Variants in CSNK2A2IP observed in about 807,000 individuals in gnomAD.
CSNK2A2IP encodes casein kinase 2 subunit alpha' interacting protein, also known as casein kinase II subunit alpha'-interacting protein.
At chr3:88,442,636 A>G in the CSNK2A2IP span, among the ~76,000 whole-genome samples, 1 of 152,118 alleles carries the variant, frequency 6.6e-6, no homozygotes, top group East Asian at 1.9e-4. Flanking sequence ...TGAGACACAT[A>G]CTATTGTTGT....
chr3:88,392,467 CA>C, the CSNK2A2IP span, among the ~76,000 whole-genome samples: 1 of 151,936 alleles, frequency 6.6e-6, no homozygotes, highest in Non-Finnish European at 1.5e-5. Context: ...AAAGAAAGAA[CA>C]AGCAAAGAAA....
At chr3:88,411,203 A>T in the CSNK2A2IP span, among the ~76,000 whole-genome samples, 1 of 151,980 alleles carries the variant, frequency 6.6e-6, no homozygotes, top group Admixed American at 6.6e-5. Context: ...TTTTCAAGGT[A>T]TAGTTGTTTG....
the CSNK2A2IP span, among the ~76,000 whole-genome samples, chr3:88,416,341 G>C: frequency 6.6e-6 from 1 of 150,588 alleles, no homozygotes; most frequent in Non-Finnish European, 1.5e-5. Flanking sequence ...TAGAAATCAA[G>C]GGGATTCACA....
At chr3:88,380,593 A>G in the CSNK2A2IP span, among the ~76,000 whole-genome samples, 2 of 152,152 alleles carry the variant, frequency 1.3e-5, no homozygotes, top group Admixed American at 1.3e-4. Context: ...TGTTATAGAA[A>G]AAACAGCTAT....
chr3:88,459,434 A>T, the CSNK2A2IP span, among the ~76,000 whole-genome samples: 1 of 152,048 alleles, frequency 6.6e-6, no homozygotes, highest in East Asian at 1.9e-4. Flanking sequence ...TATATTATTG[A>T]TTCTATTAAG....
chr3:88,367,858 G>A, the CSNK2A2IP span, among the ~76,000 whole-genome samples: 1 of 152,092 alleles, frequency 6.6e-6, no homozygotes, highest in Non-Finnish European at 1.5e-5. Context: ...AATCTTTTGA[G>A]TAATGGTTAA....
At chr3:88,381,465 A>G in the CSNK2A2IP span, among the ~76,000 whole-genome samples, 2 of 152,172 alleles carry the variant, frequency 1.3e-5, no homozygotes, top group Admixed American at 1.3e-4. Flanking sequence ...ATAAGGTACT[A>G]ACTATTACTG....
At chr3:88,366,127 C>A in the CSNK2A2IP span, among the ~76,000 whole-genome samples, 10 of 152,050 alleles carry the variant, frequency 6.6e-5, no homozygotes, top group African/African-American at 2.2e-4. Flanking sequence ...TGTGGTTTTC[C>A]TGCTCTGTAG....
the CSNK2A2IP span, among the ~76,000 whole-genome samples, chr3:88,441,279 A>G: frequency 1.3e-5 from 2 of 152,174 alleles, no homozygotes; most frequent in Non-Finnish European, 2.9e-5. Context: ...CTGGAAGACA[A>G]GTGTGTCTGA....
the CSNK2A2IP span, among the ~76,000 whole-genome samples, chr3:88,352,024 G>C: frequency 6.6e-6 from 1 of 152,024 alleles, no homozygotes; most frequent in African/African-American, 2.4e-5. Flanking sequence ...GCTTTTAAAG[G>C]AATCTTGTTT....
the CSNK2A2IP span, among the ~76,000 whole-genome samples, chr3:88,411,430 C>T: frequency 6.6e-6 from 1 of 151,626 alleles, no homozygotes; most frequent in African/African-American, 2.4e-5. Flanking sequence ...ACTGACCTGT[C>T]TCTGCCTCAT....
the CSNK2A2IP span, among the ~76,000 whole-genome samples, chr3:88,371,896 T>A: frequency 6.6e-6 from 1 of 151,668 alleles, no homozygotes; most frequent in African/African-American, 2.4e-5. Context: ...GGCATTAGAA[T>A]GACATATTCA....
the CSNK2A2IP span, among the ~76,000 whole-genome samples, chr3:88,461,088 A>C: frequency 0.022 from 436 of 20,184 alleles, 1 homozygote; most frequent in African/African-American, 0.031. Flanking sequence ...ACTCCGTCTC[A>C]AAAAAAAAAC....
the CSNK2A2IP span, among the ~76,000 whole-genome samples, chr3:88,396,653 G>A: frequency 4.6e-5 from 7 of 152,176 alleles, no homozygotes; most frequent in Non-Finnish European, 8.8e-5. Flanking sequence ...GAGGAGAAGC[G>A]CAATGTTAGA....
the CSNK2A2IP span, among the ~76,000 whole-genome samples, chr3:88,429,751 G>GTTGTT: frequency 6.6e-6 from 1 of 151,758 alleles, no homozygotes; most frequent in East Asian, 1.9e-4. Flanking sequence ...TTTTGTTGTT[G>GTTGTT]TTGTTTTGTT....
At chr3:88,383,698 G>A in the CSNK2A2IP span, among the ~76,000 whole-genome samples, 1 of 120,320 alleles carries the variant, frequency 8.3e-6, no homozygotes, top group East Asian at 2.6e-4. Context: ...GCTCTGTCAC[G>A]CAGGCTTGAG....
the CSNK2A2IP span, among the ~76,000 whole-genome samples, chr3:88,386,033 A>C: frequency 6.6e-6 from 1 of 152,214 alleles, no homozygotes; most frequent in Non-Finnish European, 1.5e-5. Context: ...GAGTAAGAAA[A>C]TTGATTCATT....
At chr3:88,391,950 G>A in the CSNK2A2IP span, among the ~76,000 whole-genome samples, 2 of 152,292 alleles carry the variant, frequency 1.3e-5, no homozygotes, top group African/African-American at 4.8e-5. Flanking sequence ...AGAATAGTGA[G>A]GAGGTGATTG....
At chr3:88,346,892 G>A in the CSNK2A2IP span, among the ~76,000 whole-genome samples, 181 of 151,956 alleles carry the variant, frequency 1.2e-3, no homozygotes, top group Non-Finnish European at 1.8e-3. Flanking sequence ...CCTCTGGTGG[G>A]TCTAGGAAAG....
Sources: allele counts gnomAD v4.1 joint callset (sites outside exome capture counted in the v4.1 genomes callset), GRCh38; gene constraint gnomAD v4.1.1; transcripts MANE v1.5; gene names NCBI Gene and HGNC (gene_info 2026-07-23, HGNC 2026-07-21).